The following ETV5 variants were observed in gnomAD, a reference collection of about 807,000 sequenced individuals.
ETV5 encodes ETS translocation variant 5.
Under a neutral mutation model 70.0 loss-of-function variants are expected in ETV5, and 10 were observed. The ratio of observed to expected loss-of-function variants is 0.14; its 90% CI spans 0.09 to 0.24. The LOEUF (loss-of-function observed/expected upper bound fraction) is 0.24, where lower values mean the gene tolerates loss of function less well. Among genes scored for constraint, ETV5 ranks in the 10% least tolerant of loss-of-function variants. ETV5 has a pLI of 1.00. For synonymous variants in ETV5, 216 were observed against 242.2 expected, an observed-to-expected ratio of 0.89 and a Z score of 1.01; for missense variants, 453 against 651.2, an observed-to-expected ratio of 0.70 and a Z score of 3.31.
At chr3:186,086,815 A>C (rs1458433553) in intron 5 of ETV5, among the ~76,000 whole-genome samples, 1 of 151,508 alleles carries the variant, frequency 6.6e-6, no homozygotes, top group African/African-American at 2.4e-5. Flanking sequence ...AAAAAAAAAA[A>C]AAAAAATTCA....
chr3:186,072,451 T>C (rs1236248510), intron 7 of ETV5, among the ~76,000 whole-genome samples: 1 of 152,052 alleles, frequency 6.6e-6, no homozygotes, highest in African/African-American at 2.4e-5. Flanking sequence ...ACACAAACCA[T>C]GCACAAATCA....
Position 186,080,067 on chromosome 3 carries a change from A to G in ETV5, c.400T>C (p.Leu134=). 6.6e-7 allele frequency: 1 copy of G among 1,518,632 alleles called. No individual in the cohort carries two copies. The allele number at this position is 1,518,632 out of a possible 1,614,324, so 94.1% of individuals were successfully genotyped here. The change falls in exon 7 of 13, where the codon TTA becomes CTA. Residue 134 remains leucine, a synonymous_variant. Transcript: ENST00000306376. ...DRKPPSGFKP[L]TPPTTPLSPT... Reference sequence around the variant, plus strand: ...GAGAGGGGGGTTGTAGGAGGGGTTAATGGCTTGAACCCAGAGGGAGGCTTC... The same window carrying G: ...GAGAGGGGGGTTGTAGGAGGGGTTAGTGGCTTGAACCCAGAGGGAGGCTTC...
rs184886760 is a variant in ETV5 at position 186,070,553 on chromosome 3, G to C, written c.651-4481C>G. On this transcript the variant is annotated intron_variant, in intron 7 of 12. Coordinates refer to ENST00000306376, the MANE Select transcript of ETV5 (RefSeq NM_004454.3). ...TTCCGTACTGGTTTGTCTTGAGACA[G>C]CAGGAGTGGCCAAGGGGGATCTCAG... 1.8e-3 allele frequency among the ~76,000 whole-genome samples: 280 copies of C among 152,346 alleles called. 6 individuals are homozygous for C. The highest frequency in any genetic ancestry group is 2.4e-4 in the Non-Finnish European group (16 of 68,036).
intron 7 of ETV5, among the ~76,000 whole-genome samples, chr3:186,068,498 AT>A: frequency 6.6e-6 from 1 of 152,332 alleles, no homozygotes; most frequent in Non-Finnish European, 1.5e-5. Context: ...ACAAGATAGA[AT>A]AAAAACCTGT....
At chr3:186,058,973 AT>A (rs770457756) in intron 9 of ETV5, among the ~76,000 whole-genome samples, 1 of 150,910 alleles carries the variant, frequency 6.6e-6, no homozygotes, top group Non-Finnish European at 1.5e-5. Flanking sequence ...AGATCACGCT[AT>A]TGTACTCCTG....
At position 186,096,130 on chromosome 3, in the gene ETV5, G is replaced by A. The variant is rs1305304422; in HGVS notation, c.232+9175C>T. On this transcript the variant is annotated intron_variant, in intron 5 of 12. Coordinates refer to ENST00000306376, the MANE Select transcript of ETV5 (RefSeq NM_004454.3). ...CCCTATGCTGTTTCCACCTTCTTCC[G>A]CAAGAAATAAAATTCCATGGCTGCT... Among the ~76,000 whole-genome samples, 4 of 152,188 alleles carry A rather than the reference G, an allele frequency of 2.6e-5. No individual in the cohort carries two copies. In the East Asian group the frequency reaches 5.8e-4, roughly 22 times the overall value.
rs2150139482 is a variant in ETV5, at chr3:186,046,782, A to G, written c.*1857T>C. On this transcript the variant is annotated 3_prime_UTR_variant, in exon 13 of 13. Coordinates refer to ENST00000306376, the MANE Select transcript of ETV5 (RefSeq NM_004454.3). ...CCAGCTGGGGGTAAAATATGCATCT[A>G]TGTATAGACTATGTGTAGGTTAAGA... 1 of 232,882 alleles carries G rather than the reference A, an allele frequency of 4.3e-6. No individual in the cohort carries two copies. The highest frequency in any genetic ancestry group is 5.6e-5 in the Admixed American group (1 of 17,772). 14.4% of individuals were successfully genotyped at this position (232,882 alleles called of 1,614,324 possible).
At chr3:186,065,617 GTT>G (rs1183590751) in intron 8 of ETV5, among the ~76,000 whole-genome samples, 194 bp downstream of exon 8, 1 of 152,110 alleles carries the variant, frequency 6.6e-6, no homozygotes, top group Non-Finnish European at 1.5e-5. Context: ...TAGCTTTTCT[GTT>G]TTGTTTTGTA....
At chr3:186,095,848 G>A (rs1389610984) in intron 5 of ETV5, among the ~76,000 whole-genome samples, 3 of 152,218 alleles carry the variant, frequency 2.0e-5, no homozygotes, top group African/African-American at 7.2e-5. Flanking sequence ...CCCACCAGCT[G>A]GAGGCTGGGG....
rs548466573 is a variant in ETV5 at position 186,092,206 on chromosome 3, G to A, written c.233-11031C>T. On this transcript the variant is annotated intron_variant, in intron 5 of 12. Coordinates refer to ENST00000306376, the MANE Select transcript of ETV5 (RefSeq NM_004454.3). ...CACTGGAAGATTACTCTAGAATTCT[G>A]AAAATGGAAATCCAAAGGCCTTGAA... 1.2e-4 allele frequency among the ~76,000 whole-genome samples: 18 copies of A among 152,258 alleles called. No individual in the cohort carries two copies. The South Asian group carries it at 3.5e-3, about 30-fold the overall frequency.
chr3:186,100,858 T>C (rs1185449791), intron 5 of ETV5, among the ~76,000 whole-genome samples: 1 of 152,238 alleles, frequency 6.6e-6, no homozygotes, highest in African/African-American at 2.4e-5. Context: ...CTAACAGGTA[T>C]ATATTTATAA....
chr3:186,081,236 C>T, intron 5 of ETV5, 61 bp from the exon 6 acceptor site: 2 of 1,496,330 alleles, frequency 1.3e-6, no homozygotes, highest in Admixed American at 4.0e-5. Flanking sequence ...ACAGGGAGCA[C>T]AATGCTTCCT....
chr3:186,085,506 CG>C (rs557802160), intron 5 of ETV5, among the ~76,000 whole-genome samples: 8 of 137,428 alleles, frequency 5.8e-5, no homozygotes, highest in East Asian at 2.7e-4. Context: ...CAGTAGCCTT[CG>C]TTTTTTTTTT....
Position 186,048,827 on chromosome 3 carries a change from A to C in ETV5, c.1345T>G (p.Cys449Gly), listed in dbSNP as rs138236393. ...ATGGAGAAGAGGGCATCTGGGTCAC[A>C]GACAAATTTGTAGACGTATCGCTCT... is the stretch of plus-strand genomic sequence containing the variant. ...AGERYVYKFV[C>G]DPDALFSMAF... Residue 449 changes from cysteine (C) to glycine (G), a missense_variant, in exon 13 of 13, where the codon TGT becomes GGT. Around this residue, in one of 4 missense-constraint regions of ETV5, gnomAD observed 74 missense variants for 95.2 expected, o/e 0.78. Transcript: ENST00000306376. The C allele has an allele frequency of 8.1e-6, 13 of 1,614,008 alleles. No individual in the cohort carries two copies. The highest frequency in any genetic ancestry group is 1.1e-5 in the Non-Finnish European group (13 of 1,180,028).
intron 5 of ETV5, among the ~76,000 whole-genome samples, chr3:186,091,663 A>G (rs1714185932): frequency 6.6e-6 from 1 of 152,176 alleles, no homozygotes; most frequent in South Asian, 2.1e-4. Flanking sequence ...AAACAAACAA[A>G]CAAAACACTC....
At chr3:186,085,733 C>T (rs557398064) in intron 5 of ETV5, among the ~76,000 whole-genome samples, 1 of 152,130 alleles carries the variant, frequency 6.6e-6, no homozygotes, top group Admixed American at 6.5e-5. Context: ...TGGTCTCAAA[C>T]TCCTGACCTC....
chr3:186,077,595 G>A (rs1214742299), intron 7 of ETV5, among the ~76,000 whole-genome samples: 1 of 152,208 alleles, frequency 6.6e-6, no homozygotes, highest in Non-Finnish European at 1.5e-5. Context: ...ATAAGGATGA[G>A]GGTAGAGAGA....
In ETV5 at chr3:186,105,288, A is replaced by C. The variant is rs750206493; in HGVS notation, c.232+17T>G. ...ACAATTTCAGAACAAATGTGCCATCACCAGAAAGGTACTTACGGTTATCAG... is the reference window on the plus strand; with the variant it reads ...ACAATTTCAGAACAAATGTGCCATCCCCAGAAAGGTACTTACGGTTATCAG... On this transcript the variant is annotated intron_variant, in intron 5 of 12. Coordinates refer to ENST00000306376, the MANE Select transcript of ETV5 (RefSeq NM_004454.3). The surrounding 1 kb of genome is among the most constrained non-coding windows in gnomAD (Gnocchi z 4.5). 3 of 1,604,596 alleles carry C rather than the reference A, an allele frequency of 1.9e-6. No homozygotes were observed. In the South Asian group the frequency reaches 3.4e-5, roughly 18 times the overall value.
intron 5 of ETV5, among the ~76,000 whole-genome samples, chr3:186,086,403 TA>T (rs1714059047): frequency 6.6e-6 from 1 of 152,048 alleles, no homozygotes. Context: ...GCCAATGCAA[TA>T]AGGCAAGAAT....
Sources: gnomAD v4.1 joint callset for allele counts (sites outside exome capture counted in the v4.1 genomes callset) on GRCh38, gnomAD v4.1.1 for gene constraint, gnomAD v4.1.1 regional missense constraint, Gnocchi (gnomAD v3.1) non-coding constraint, MANE v1.5 for transcripts, NCBI Gene and HGNC (gene_info 2026-07-23, HGNC 2026-07-21) for gene names.